Variants in ANKRD27 observed in about 807,000 individuals in gnomAD.
ANKRD27 encodes ankyrin repeat domain 27, also known as ankyrin repeat domain-containing protein 27.
In ANKRD27, 112 loss-of-function variants were observed where a neutral mutation model predicts 129.7. The observed-to-expected ratio is 0.86, with a 90% CI of 0.74 to 1.01. The LOEUF (loss-of-function observed/expected upper bound fraction) is 1.01. Ranked by LOEUF, ANKRD27 falls within the 50% of genes least tolerant of loss-of-function variation. The pLI, the probability that ANKRD27 is intolerant of heterozygous loss-of-function variation, is 0.00. For synonymous variants in ANKRD27, 516 were observed against 511.2 expected, an observed-to-expected ratio of 1.01 and a Z score of -0.13; for missense variants, 1,258 against 1,300.5, an observed-to-expected ratio of 0.97 and a Z score of 0.50.
intron 1 of ANKRD27, among the ~76,000 whole-genome samples, chr19:32,672,506 C>T (rs908873679): frequency 4.6e-5 from 7 of 152,150 alleles, no homozygotes. Flanking sequence ...GGTCATCTCT[C>T]ACAAGAGCTG....
chr19:32,648,896 ATT>A (rs1373282299), intron 3 of ANKRD27, among the ~76,000 whole-genome samples: 2 of 151,932 alleles, frequency 1.3e-5, no homozygotes, highest in Non-Finnish European at 2.9e-5. Flanking sequence ...GGGGAAGCAC[ATT>A]TAAGAGTTTT....
intron 1 of ANKRD27, among the ~76,000 whole-genome samples, chr19:32,663,910 G>GCCC (rs1967693972): frequency 6.6e-6 from 1 of 151,080 alleles, no homozygotes; most frequent in Admixed American, 6.6e-5. Context: ...CAAAAAATTA[G>GCCC]CCGGGCGTAG....
chr19:32,603,555 T>G (rs1017485914), intron 25 of ANKRD27, among the ~76,000 whole-genome samples: 1 of 152,160 alleles, frequency 6.6e-6, no homozygotes, highest in Admixed American at 6.5e-5. Flanking sequence ...TTACTTTCAT[T>G]TTTTTGAGAT....
At chr19:32,604,010 G>A (rs928781814) in intron 25 of ANKRD27, among the ~76,000 whole-genome samples, 1 of 152,156 alleles carries the variant, frequency 6.6e-6, no homozygotes, top group African/African-American at 2.4e-5. Context: ...GCTGAGGGGG[G>A]GGCCCCTCCA....
chr19:32,649,623 C>T, intron 3 of ANKRD27, 59 bp downstream of exon 3: 1 of 1,156,304 alleles, frequency 8.6e-7, no homozygotes, highest in Admixed American at 1.7e-5. Flanking sequence ...CTCTCTTCCT[C>T]CCCTCTGGCC....
chr19:32,614,657 T>A (rs1250838932), intron 22 of ANKRD27, among the ~76,000 whole-genome samples: 1 of 150,942 alleles, frequency 6.6e-6, no homozygotes, highest in Non-Finnish European at 1.5e-5. Context: ...TGAGCCAAGA[T>A]CGCCCGACAG....
rs148333561 is a variant in ANKRD27, at chr19:32,607,685, C to A, written c.2323G>T (p.Ala775Ser). Residue 775 changes from alanine to serine, a missense_variant, in exon 23 of 29, where the codon GCA becomes TCA. Physicochemically the swap from Ala to Ser is moderately conservative, Grantham distance 99. Coordinates refer to ENST00000306065, the MANE Select transcript of ANKRD27 (RefSeq NM_032139.3). Reference protein sequence around the residue: ...KHGANAGARNADQAVPLHLAC... With the variant: ...KHGANAGARNSDQAVPLHLAC... ...AGGTGGAGCGGGACGGCTTGGTCTG[C>A]GTTCCTGGCACCTGCGTTGGCCCCG... is the stretch of plus-strand genomic sequence containing the variant. 2 of 1,612,300 alleles carry A rather than the reference C, an allele frequency of 1.2e-6. No homozygotes were observed. The highest frequency in any genetic ancestry group is 1.7e-6 in the Non-Finnish European group (2 of 1,179,662).
At chr19:32,604,504 G>A (rs933435458) in intron 24 of ANKRD27, 80 bp from the exon 25 acceptor site, 19 of 1,316,352 alleles carry the variant, frequency 1.4e-5, no homozygotes, top group Admixed American at 1.1e-4. Context: ...ACAGGTATTC[G>A]CTATAAAACA....
In ANKRD27 at chr19:32,659,564, G is replaced by A. The variant is rs2145318966; in HGVS notation, c.-30-519C>T. On this transcript the variant is annotated intron_variant, in intron 1 of 28. Coordinates refer to ENST00000306065, the MANE Select transcript of ANKRD27 (RefSeq NM_032139.3). The stretch of plus-strand genomic sequence containing the variant: ...AAAATCTTGTTAAACTCCAAGTCTT[G>A]GCTAAAGTATAAATGGCTATTTTTA... 2.0e-5 allele frequency among the ~76,000 whole-genome samples: 3 copies of A among 152,196 alleles called. No homozygotes were observed. In the South Asian group the frequency reaches 6.2e-4, roughly 32 times the overall value.
chr19:32,670,642 C>A (rs1725125705), intron 1 of ANKRD27, among the ~76,000 whole-genome samples: 1 of 152,046 alleles, frequency 6.6e-6, no homozygotes, highest in South Asian at 2.1e-4. Flanking sequence ...ACACTGCACT[C>A]CAGCCTGGGC....
At position 32,631,499 on chromosome 19, in the gene ANKRD27, AG is replaced by A; in HGVS notation, c.1117-6del. 1 of 1,613,504 alleles carries A rather than the reference AG, an allele frequency of 6.2e-7. No homozygotes were observed. On this transcript the variant is annotated splice_polypyrimidine_tract_variant and splice_region_variant and intron_variant, in intron 12 of 28. Coordinates refer to ENST00000306065, the MANE Select transcript of ANKRD27 (RefSeq NM_032139.3). ...GTCTCCAAATCCCTCAGACTCCTGC[AG>A]GGAAAAAACCAAACACACCACGAGA...
rs1428777193 is a variant in ANKRD27, at chr19:32,598,168, C to G, written c.3130G>C (p.Glu1044Gln). The G allele has an allele frequency of 1.2e-6, 2 of 1,614,024 alleles. No individual in the cohort carries two copies. The highest frequency in any genetic ancestry group is 1.7e-6 in the Non-Finnish European group (2 of 1,180,042). Residue 1044 changes from glutamate to glutamine, a missense_variant, in exon 29 of 29, where the codon GAG (glutamate) becomes CAG (glutamine). Transcript: ENST00000306065. Reference sequence around the variant, plus strand: ...TGTTAGGACCGGGAAGCACTAACCTCTTGGGGAGTGGAGAGGGGGCCAGCA... The same window carrying G: ...TGTTAGGACCGGGAAGCACTAACCTGTTGGGGAGTGGAGAGGGGGCCAGCA... The part of the protein sequence containing the change: ...EAAGPLSTPQ[E>Q]VSASRS
chr19:32,665,527 T>C lies in ANKRD27; in HGVS notation c.-30-6482A>G, dbSNP rs372921642. The stretch of plus-strand genomic sequence containing the variant: ...CAGGCTGGAGTACAGTGGCATGATC[T>C]TGACTCACAGCAAGCTCTGCCTCCA... On this transcript the variant is annotated intron_variant, in intron 1 of 28. Transcript: ENST00000306065. Among the ~76,000 whole-genome samples the C allele has an allele frequency of 3.5e-3, 539 of 152,114 alleles. 1 individual carries two copies. The highest frequency in any genetic ancestry group is 0.013 in the African/African-American group (519 of 41,470).
chr19:32,663,870 A>G (rs539208613), intron 1 of ANKRD27, among the ~76,000 whole-genome samples: 46 of 151,448 alleles, frequency 3.0e-4, no homozygotes, highest in Non-Finnish European at 5.2e-4. Context: ...TCCCGGCTAA[A>G]ACGGTGAAAC....
intron 14 of ANKRD27, 133 bp downstream of exon 14, chr19:32,628,589 A>C: frequency 8.7e-7 from 1 of 1,148,854 alleles, no homozygotes; most frequent in African/African-American, 1.5e-5. Context: ...TATCATCTCC[A>C]CTGTACAGCA....
intron 1 of ANKRD27, among the ~76,000 whole-genome samples, chr19:32,670,448 CG>C (rs112241840): frequency 0.049 from 7,507 of 152,126 alleles, 302 homozygotes; most frequent in South Asian, 0.15. Flanking sequence ...CCGAGGCGGG[CG>C]GATCACCTGA....
chr19:32,631,491 A>C lies in ANKRD27; in HGVS notation c.1120T>G (p.Ser374Ala). ...QGSLSAKPPE[S>A]EGFGDRLFLK... Reference sequence around the variant, plus strand: ...AACAGCCTGTCTCCAAATCCCTCAGACTCCTGCAGGGAAAAAACCAAACAC... The same window carrying C: ...AACAGCCTGTCTCCAAATCCCTCAGCCTCCTGCAGGGAAAAAACCAAACAC... Residue 374 changes from serine (S) to alanine (A), a missense_variant, in exon 13 of 29, where the codon TCT (serine) becomes GCT (alanine). Physicochemically the swap from Ser to Ala is moderately conservative, Grantham distance 99. Transcript: ENST00000306065. The C allele has an allele frequency of 6.2e-7, 1 of 1,613,436 alleles. No individual in the cohort carries two copies. The highest frequency in any genetic ancestry group is 1.1e-5 in the South Asian group (1 of 91,072).
chr19:32,619,528 T>A lies in ANKRD27; in HGVS notation c.1853A>T (p.His618Leu). 1.2e-6 allele frequency: 2 copies of A among 1,614,028 alleles called. No homozygotes were observed. Among genetic ancestry groups the A allele is most frequent in the Non-Finnish European group, 1.7e-6 (2 of 1,180,008 alleles). ...CTTCTGCCTCCTCTCGAAGGACAGGTGATAGGCTTCCATTACAGACAGAAT... is the reference window on the plus strand; with the variant it reads ...CTTCTGCCTCCTCTCGAAGGACAGGAGATAGGCTTCCATTACAGACAGAAT... The part of the protein sequence containing the change: ...SKILSVMEAY[H>L]LSFERRQKSS... Residue 618 changes from histidine (H) to leucine (L), a missense_variant, in exon 19 of 29, where the codon CAC becomes CTC. Transcript: ENST00000306065.
intron 18 of ANKRD27, 59 bp downstream of exon 18, chr19:32,622,363 G>C: frequency 6.3e-7 from 1 of 1,581,612 alleles, no homozygotes; most frequent in South Asian, 1.1e-5. Flanking sequence ...CAAGACCTAA[G>C]CTACGGACAT....
Sources: gnomAD v4.1 joint callset for allele counts (sites outside exome capture counted in the v4.1 genomes callset) on GRCh38, gnomAD v4.1.1 for gene constraint, MANE v1.5 for transcripts, NCBI Gene and HGNC (gene_info 2026-07-23, HGNC 2026-07-21) for gene names.